Variants in DYNC1I2 observed in about 807,000 individuals in gnomAD.
DYNC1I2 encodes cytoplasmic dynein 1 intermediate chain 2.
Under a neutral mutation model 88.6 loss-of-function variants are expected in DYNC1I2, and 53 were observed. That is an observed-to-expected ratio of 0.60 (90% CI 0.48 to 0.75). The LOEUF is 0.75. Among genes scored for constraint, DYNC1I2 ranks in the 30% least tolerant of loss-of-function variants. The pLI, the probability that DYNC1I2 is intolerant of heterozygous loss-of-function variation, is 0.00. For missense variants in DYNC1I2, 458 were observed against 766.6 expected (o/e 0.60, Z 4.75); for synonymous variants, 198 against 254.6 (o/e 0.78, Z 2.12).
intron 13 of DYNC1I2, 68 bp downstream of exon 13, chr2:171,728,486 C>T: frequency 1.0e-6 from 1 of 985,178 alleles, no homozygotes; most frequent in South Asian, 1.7e-5. Context: ...TGTACCTCAA[C>T]TTATGTTTCT....
chr2:171,729,919 C>T, intron 15 of DYNC1I2, 66 bp downstream of exon 15: 1 of 1,547,468 alleles, frequency 6.5e-7, no homozygotes, highest in South Asian at 1.2e-5. Flanking sequence ...TCTAATACTA[C>T]ATAGGAATGA....
chr2:171,691,167 A>G (rs1685378599), intron 2 of DYNC1I2, among the ~76,000 whole-genome samples: 1 of 152,222 alleles, frequency 6.6e-6, no homozygotes, highest in Non-Finnish European at 1.5e-5. Context: ...AAATATTTTT[A>G]CTGAGTAGTA....
At position 171,701,183 on chromosome 2, in the gene DYNC1I2, C is replaced by A. The variant is rs373157931; in HGVS notation, c.227-5364C>A. ...ATAAACTTTAAAAGAGATCATTCCC[C>A]TGCTATTTTTCTTTTTTTTGGAGAC... On this transcript the variant is annotated intron_variant, in intron 3 of 17. Transcript: ENST00000397119. Among the ~76,000 whole-genome samples, 10 of 152,132 alleles carry A rather than the reference C, an allele frequency of 6.6e-5. No homozygotes were observed. In the East Asian group the frequency reaches 1.9e-3, roughly 30 times the overall value.
chr2:171,726,806 G>T lies in DYNC1I2; in HGVS notation c.886G>T (p.Val296Leu). ...TTCTGAGCAGTATCCGGAGTTACTC[G>T]TGGCTTCCTATAACAACAATGAAGA... ...DWSSQYPELL[V>L]ASYNNNEDAP... is the part of the protein sequence containing the mutation. The change falls in exon 11 of 18, where the codon GTG becomes TTG. Residue 296 changes from valine (V) to leucine (L), a missense_variant. Physicochemically the swap from Val to Leu is conservative, Grantham distance 32. This residue lies in a region of DYNC1I2 where 203 missense variants were observed against 354.2 expected (regional missense o/e 0.57). Coordinates refer to ENST00000397119, the MANE Select transcript of DYNC1I2 (RefSeq NM_001378.3). 6.2e-7 allele frequency: 1 copy of T among 1,612,792 alleles called. No individual in the cohort carries two copies. The highest frequency in any genetic ancestry group is 8.5e-7 in the Non-Finnish European group (1 of 1,179,192).
At chr2:171,701,800 T>A (rs975802747) in intron 3 of DYNC1I2, among the ~76,000 whole-genome samples, 4 of 152,272 alleles carry the variant, frequency 2.6e-5, no homozygotes, top group East Asian at 3.9e-4. Context: ...TAATAAAAAA[T>A]TTTTTACAGA....
Position 171,749,626 on chromosome 2 carries a change from A to G in DYNC1I2, c.*1737A>G, listed in dbSNP as rs1375223171. Among the ~76,000 whole-genome samples the G allele has an allele frequency of 1.3e-5, 2 of 152,190 alleles. No homozygotes were observed. The highest frequency in any genetic ancestry group is 2.9e-5 in the Non-Finnish European group (2 of 67,996). On this transcript the variant is annotated 3_prime_UTR_variant, in exon 18 of 18. Coordinates refer to ENST00000397119, the MANE Select transcript of DYNC1I2 (RefSeq NM_001378.3). ...AATGGATAAGAAAAGGTTGGAAATC[A>G]TATGGCAAATCACATGTTCCTCAGC...
intron 7 of DYNC1I2, among the ~76,000 whole-genome samples, chr2:171,719,295 A>G (rs1687745465): frequency 6.6e-6 from 1 of 152,188 alleles, no homozygotes; most frequent in Non-Finnish European, 1.5e-5. Flanking sequence ...TTTCTATATC[A>G]TTACAGTTAT....
At chr2:171,731,896 A>G (rs1279553106) in intron 15 of DYNC1I2, among the ~76,000 whole-genome samples, 1 of 152,242 alleles carries the variant, frequency 6.6e-6, no homozygotes, top group Non-Finnish European at 1.5e-5. Context: ...AGACAGTTAA[A>G]GGATGCAGTA....
intron 2 of DYNC1I2, among the ~76,000 whole-genome samples, chr2:171,692,043 T>C (rs1043459885): frequency 6.6e-5 from 10 of 152,128 alleles, no homozygotes; most frequent in Admixed American, 2.0e-4. Context: ...CTCCAGACAG[T>C]GTCTGAGTAA....
chr2:171,706,648 T>C, intron 4 of DYNC1I2, 84 bp downstream of exon 4: 1 of 1,286,712 alleles, frequency 7.8e-7, no homozygotes, highest in Non-Finnish European at 1.1e-6. Context: ...GCATGCTGTT[T>C]TATTGCCTGT....
chr2:171,745,095 G>T (rs932110130), intron 16 of DYNC1I2, among the ~76,000 whole-genome samples: 2 of 152,098 alleles, frequency 1.3e-5, no homozygotes, highest in African/African-American at 4.8e-5. Flanking sequence ...AAATTAGAAG[G>T]ATTTTTTTGT....
chr2:171,689,212 C>G (rs767024848), intron 1 of DYNC1I2, among the ~76,000 whole-genome samples: 1 of 152,120 alleles, frequency 6.6e-6, no homozygotes, highest in Admixed American at 6.5e-5. Flanking sequence ...ATTTCAAGTA[C>G]ATTACAATCT....
chr2:171,736,694 T>G (rs1204984954), intron 15 of DYNC1I2, among the ~76,000 whole-genome samples: 9 of 152,214 alleles, frequency 5.9e-5, no homozygotes, highest in Non-Finnish European at 1.3e-4. Flanking sequence ...GACTGTTTCT[T>G]TGTATTTCTA....
chr2:171,688,095 C>G (rs1284900699), intron 1 of DYNC1I2: 1 of 152,300 alleles, frequency 6.6e-6, no homozygotes, highest in African/African-American at 2.4e-5. Flanking sequence ...GAGGCTTGTC[C>G]GGCGCCCACT....
Position 171,693,385 on chromosome 2 carries a change from C to T in DYNC1I2, c.226+491C>T, listed in dbSNP as rs192847251. Among the ~76,000 whole-genome samples the T allele has an allele frequency of 3.9e-4, 60 of 152,228 alleles. No individual in the cohort carries two copies. In the East Asian group the frequency reaches 9.8e-3, roughly 25 times the overall value. The stretch of plus-strand genomic sequence containing the variant: ...GGGAGATAATTTTGTGGCTTATTTT[C>T]GAAGTGATTTGACTTAATCTTATTA... On this transcript the variant is annotated intron_variant, in intron 3 of 17. Coordinates refer to ENST00000397119, the MANE Select transcript of DYNC1I2 (RefSeq NM_001378.3).
intron 7 of DYNC1I2, among the ~76,000 whole-genome samples, chr2:171,716,571 A>G (rs1414506761): frequency 4.6e-5 from 7 of 152,190 alleles, no homozygotes; most frequent in Admixed American, 4.6e-4. Context: ...GTCTACTACC[A>G]AAGAAAATCT....
Position 171,719,588 on chromosome 2 carries a change from A to C in DYNC1I2, c.511+4145A>C, listed in dbSNP as rs1010519221. ...AGCAAATTAAACTTCTGTAGGCAGT[A>C]AAATCCATGCCTACAGAAATCCGTG... On this transcript the variant is annotated intron_variant, in intron 7 of 17. Transcript: ENST00000397119. Among the ~76,000 whole-genome samples the C allele has an allele frequency of 2.6e-5, 4 of 152,352 alleles. No individual in the cohort carries two copies. The South Asian group carries it at 8.3e-4, about 32-fold the overall frequency.
intron 15 of DYNC1I2, among the ~76,000 whole-genome samples, chr2:171,733,307 C>T (rs1056969173): frequency 9.9e-5 from 15 of 152,036 alleles, no homozygotes; most frequent in African/African-American, 3.4e-4. Context: ...GATTGATACT[C>T]CTTTGGGTAT....
At chr2:171,692,948 T>TATGTCTGAGCTGAA in intron 3 of DYNC1I2, 54 bp downstream of exon 3, 23 of 1,278,132 alleles carry the variant, frequency 1.8e-5, no homozygotes, top group Non-Finnish European at 2.3e-5. Flanking sequence ...TCTGTTCAGC[T>TATGTCTGAGCTGAA]CAGACATAGC....
Sources: allele counts gnomAD v4.1 joint callset (sites outside exome capture counted in the v4.1 genomes callset), GRCh38; gene constraint gnomAD v4.1.1; regional missense constraint gnomAD v4.1.1; transcripts MANE v1.5; gene names NCBI Gene and HGNC (gene_info 2026-07-23, HGNC 2026-07-21).